Variants in PRKAR2B observed in about 807,000 individuals in gnomAD.
PRKAR2B encodes cAMP-dependent protein kinase type II-beta regulatory subunit.
In PRKAR2B, 14 loss-of-function variants were observed where a neutral mutation model predicts 49.9. The observed-to-expected ratio is 0.28, with a 90% CI of 0.19 to 0.44. PRKAR2B has a LOEUF of 0.44. Ranked by LOEUF, PRKAR2B falls within the 20% of genes least tolerant of loss-of-function variation. The pLI is 1.00. For missense variants in PRKAR2B, 393 were observed against 537.9 expected (o/e 0.73, Z 2.67); for synonymous variants, 196 against 197.7 (o/e 0.99, Z 0.07).
At chr7:107,045,263 C>G in intron 1 of PRKAR2B, 49 bp downstream of exon 1, 2 of 1,367,642 alleles carry the variant, frequency 1.5e-6, no homozygotes, top group South Asian at 1.5e-5. Context: ...CTCGCTGCCC[C>G]CCACCGCTCC....
At chr7:107,102,579 C>T (rs1794993179) in intron 2 of PRKAR2B, among the ~76,000 whole-genome samples, 1 of 152,190 alleles carries the variant, frequency 6.6e-6, no homozygotes, top group Non-Finnish European at 1.5e-5. Context: ...GTTTCTTGAG[C>T]AAAGCCAAGA....
chr7:107,046,048 G>C (rs1793686838), intron 1 of PRKAR2B, among the ~76,000 whole-genome samples: 1 of 152,180 alleles, frequency 6.6e-6, no homozygotes, highest in African/African-American at 2.4e-5. Flanking sequence ...CCAGACAGTA[G>C]AGCTAGAAAG....
chr7:107,148,037 C>T (rs1188759639), intron 6 of PRKAR2B, among the ~76,000 whole-genome samples: 5 of 152,114 alleles, frequency 3.3e-5, no homozygotes, highest in Non-Finnish European at 7.4e-5. Context: ...TGATGAGTCA[C>T]TTTTTTAAGG....
Position 107,159,774 on chromosome 7 carries a change from G to A in PRKAR2B, c.*192G>A, listed in dbSNP as rs974335931. On this transcript the variant is annotated 3_prime_UTR_variant, in exon 11 of 11. Coordinates refer to ENST00000265717, the MANE Select transcript of PRKAR2B (RefSeq NM_002736.3). ...CTTTAACATCACTTTCTAAAGAGTA[G>A]TTCATAAAAAAATCAACATACTGAT... 1 of 485,950 alleles carries A rather than the reference G, an allele frequency of 2.1e-6. No homozygotes were observed. The highest frequency in any genetic ancestry group is 3.5e-6 in the Non-Finnish European group (1 of 287,606). The allele number at this position is 485,950 out of a possible 1,614,324, so 30.1% of individuals were successfully genotyped here.
intron 2 of PRKAR2B, among the ~76,000 whole-genome samples, chr7:107,084,091 A>G (rs1418907956): frequency 1.3e-5 from 2 of 152,182 alleles, no homozygotes; most frequent in African/African-American, 4.8e-5. Context: ...AAGTTATGTT[A>G]AATATTTTTT....
At chr7:107,126,584 G>A (rs1047906047) in intron 3 of PRKAR2B, among the ~76,000 whole-genome samples, 1 of 152,134 alleles carries the variant, frequency 6.6e-6, no homozygotes, top group East Asian at 1.9e-4. Context: ...CGATACTGAT[G>A]CCTGATGCAC....
rs1286490210 is a variant in PRKAR2B at position 107,045,199 on chromosome 7, G to T, written c.292G>T (p.Ala98Ser). ...GEEEEAAPAD[A>S]GAFNAPVINR... is the part of the protein sequence containing the mutation. ...GGAGGAGGAGGCGGCGCCCGCGGAC[G>T]CAGGGGCGTTCAATGGTGAGGACCA... Residue 98 changes from alanine (A) to serine (S), a missense_variant, in exon 1 of 11, where the codon GCA (alanine) becomes TCA (serine). Physicochemically the swap from Ala to Ser is moderately conservative, Grantham distance 99. This residue lies in a region of PRKAR2B where 160 missense variants were observed against 147.6 expected (regional missense o/e 1.08). Transcript: ENST00000265717. The T allele has an allele frequency of 1.4e-6, 2 of 1,458,460 alleles. No individual in the cohort carries two copies. The highest frequency in any genetic ancestry group is 1.8e-6 in the Non-Finnish European group (2 of 1,106,730). The allele number at this position is 1,458,460 out of a possible 1,614,324, so 90.3% of individuals were successfully genotyped here.
At chr7:107,092,655 T>A (rs1794751807) in intron 2 of PRKAR2B, among the ~76,000 whole-genome samples, 1 of 152,208 alleles carries the variant, frequency 6.6e-6, no homozygotes, top group Non-Finnish European at 1.5e-5. Flanking sequence ...TTTACTCTTT[T>A]CTGTTTACTC....
At chr7:107,156,954 A>G (rs1326451455) in intron 8 of PRKAR2B, 30 bp from the exon 9 acceptor site, 1 of 1,566,258 alleles carries the variant, frequency 6.4e-7, no homozygotes, top group Non-Finnish European at 8.8e-7. Context: ...TTGCATTTTC[A>G]CCGTCTGTTT....
At position 107,044,856 on chromosome 7, in the gene PRKAR2B, G is replaced by T; in HGVS notation, c.-52G>T. The T allele has an allele frequency of 1.3e-6, 2 of 1,502,598 alleles. No individual in the cohort carries two copies. The highest frequency in any genetic ancestry group is 8.9e-7 in the Non-Finnish European group (1 of 1,124,626). The allele number at this position is 1,502,598 out of a possible 1,614,324, so 93.1% of individuals were successfully genotyped here. ...CGGCAGCCGCGGGGCCCTAGGCCGT[G>T]CCGGGGAGGGGGCGAGGGCGGCGCC... On this transcript the variant is annotated 5_prime_UTR_variant, in exon 1 of 11. Coordinates refer to ENST00000265717, the MANE Select transcript of PRKAR2B (RefSeq NM_002736.3).
intron 2 of PRKAR2B, among the ~76,000 whole-genome samples, chr7:107,120,766 T>C (rs1795372399): frequency 6.6e-6 from 1 of 151,980 alleles, no homozygotes; most frequent in Admixed American, 6.6e-5. Context: ...ACATTAAAAA[T>C]AAATATGCAT....
At position 107,057,224 on chromosome 7, in the gene PRKAR2B, A is replaced by G. The variant is rs77861408; in HGVS notation, c.307+12010A>G. On this transcript the variant is annotated intron_variant, in intron 1 of 10. Coordinates refer to ENST00000265717, the MANE Select transcript of PRKAR2B (RefSeq NM_002736.3). ...AGCTCCAGCACAGACCTGTCTCTTT[A>G]AGATTGAAATGGACATATCCACCCG... is the stretch of plus-strand genomic sequence containing the variant. Among the ~76,000 whole-genome samples the G allele has an allele frequency of 3.7e-3, 567 of 152,234 alleles. 6 individuals are homozygous for G. Among genetic ancestry groups the G allele is most frequent in the African/African-American group, 0.013 (542 of 41,536 alleles).
chr7:107,092,833 A>G (rs1038112501), intron 2 of PRKAR2B, among the ~76,000 whole-genome samples: 2 of 152,164 alleles, frequency 1.3e-5, no homozygotes, highest in African/African-American at 2.4e-5. Context: ...GAACTGTTTA[A>G]TCTTCACAAA....
chr7:107,139,074 A>AT (rs1022000813), intron 4 of PRKAR2B, among the ~76,000 whole-genome samples: 143 of 150,688 alleles, frequency 9.5e-4, no homozygotes, highest in African/African-American at 2.5e-3. Flanking sequence ...CTAACATCCT[A>AT]TTTTTTTTTG....
At position 107,058,721 on chromosome 7, in the gene PRKAR2B, C is replaced by T. The variant is rs191291105; in HGVS notation, c.308-11560C>T. 4.8e-3 allele frequency among the ~76,000 whole-genome samples: 733 copies of T among 152,070 alleles called. 5 individuals are homozygous for T. Among genetic ancestry groups the T allele is most frequent in the Middle Eastern group, 6.8e-3 (2 of 292 alleles). ...TAGTGTTTGAATTTTAACAAAAACC[C>T]GTTTGTAAAAAGAATATTTTATGAA... On this transcript the variant is annotated intron_variant, in intron 1 of 10. Coordinates refer to ENST00000265717, the MANE Select transcript of PRKAR2B (RefSeq NM_002736.3).
At chr7:107,064,915 GTTTA>G (rs924812776) in intron 1 of PRKAR2B, among the ~76,000 whole-genome samples, 12 of 152,124 alleles carry the variant, frequency 7.9e-5, no homozygotes, top group African/African-American at 2.9e-4. Flanking sequence ...AAGTTTTGTT[GTTTA>G]TTTGCCTGTT....
chr7:107,045,307 C>T (rs1419765088), intron 1 of PRKAR2B, 93 bp downstream of exon 1: 7 of 1,067,026 alleles, frequency 6.6e-6, no homozygotes, highest in Non-Finnish European at 9.0e-6. Context: ...GCTTTGCGCA[C>T]CCACCTCTCC....
intron 4 of PRKAR2B, among the ~76,000 whole-genome samples, chr7:107,134,498 T>C (rs927956117): frequency 1.3e-5 from 2 of 152,226 alleles, no homozygotes; most frequent in African/African-American, 4.8e-5. Context: ...GCCACTATGT[T>C]ATAATTGTAC....
chr7:107,085,207 A>G (rs1164620284), intron 2 of PRKAR2B, among the ~76,000 whole-genome samples: 1 of 152,110 alleles, frequency 6.6e-6, no homozygotes, highest in Non-Finnish European at 1.5e-5. Flanking sequence ...AGAGGGAGGA[A>G]TATACAAGGG....
Sources: allele counts gnomAD v4.1 joint callset (sites outside exome capture counted in the v4.1 genomes callset), GRCh38; gene constraint gnomAD v4.1.1; regional missense constraint gnomAD v4.1.1; transcripts MANE v1.5; gene names NCBI Gene and HGNC (gene_info 2026-07-23, HGNC 2026-07-21).